The following GRM7 variants were observed in gnomAD, a reference collection of about 807,000 sequenced individuals.
The protein encoded by GRM7 is metabotropic glutamate receptor 7.
GRM7 carries 35 observed loss-of-function variants against 84.5 expected under a neutral mutation model. That is an observed-to-expected ratio of 0.41 (90% CI 0.32 to 0.55). The LOEUF (loss-of-function observed/expected upper bound fraction) is 0.55, where lower values mean the gene tolerates loss of function less well. Ranked by LOEUF, GRM7 falls within the 20% of genes least tolerant of loss-of-function variation. The pLI, the probability that GRM7 is intolerant of heterozygous loss-of-function variation, is 0.19. For missense variants in GRM7, 1,003 were observed against 1,194.6 expected (o/e 0.84, Z 2.36); for synonymous variants, 487 against 455.1 (o/e 1.07, Z -0.89).
chr3:7,257,045 T>C (rs7640378), intron 2 of GRM7, among the ~76,000 whole-genome samples: 131,831 of 152,210 alleles, frequency 0.87, 57,189 homozygotes, highest in East Asian at 0.98. Context: ...ATATGGGATT[T>C]TCCCATTTCC....
At chr3:7,299,433 C>G (rs13327304) in intron 3 of GRM7, among the ~76,000 whole-genome samples, 79,813 of 151,918 alleles carry the variant, frequency 0.53, 21,420 homozygotes, top group Non-Finnish European at 0.6. Flanking sequence ...GGTCCGGAGT[C>G]CTTATTTTTA....
Position 7,669,184 on chromosome 3 carries a change from T to TAATC in GRM7, c.2452-10863_2452-10860dup, listed in dbSNP as rs529185532. Among the ~76,000 whole-genome samples, 611 of 152,334 alleles carry TAATC rather than the reference T, an allele frequency of 4.0e-3. 6 individuals are homozygous for TAATC. The highest frequency in any genetic ancestry group is 6.6e-3 in the Non-Finnish European group (451 of 68,028). On this transcript the variant is annotated intron_variant, in intron 8 of 9. Transcript: ENST00000357716. Reference sequence around the variant, plus strand: ...ACGTATAAAAGAAATATGCAGCGAATAATCACAAATTGTGATTAGTGAAAC... The same window carrying TAATC: ...ACGTATAAAAGAAATATGCAGCGAATAATCAATCACAAATTGTGATTAGTGAAAC...
At chr3:7,093,030 C>G (rs1698724583) in intron 1 of GRM7, among the ~76,000 whole-genome samples, 1 of 152,014 alleles carries the variant, frequency 6.6e-6, no homozygotes, top group Admixed American at 6.6e-5. Flanking sequence ...CTGCAGTGAG[C>G]CATGATTGGG....
chr3:7,328,492 C>T (rs1040012563), intron 4 of GRM7, among the ~76,000 whole-genome samples: 1 of 152,180 alleles, frequency 6.6e-6, no homozygotes, highest in African/African-American at 2.4e-5. Flanking sequence ...CCCTTTGAAC[C>T]TTGACCCCTT....
chr3:7,110,832 A>G (rs967795519), intron 1 of GRM7, among the ~76,000 whole-genome samples: 1 of 152,064 alleles, frequency 6.6e-6, no homozygotes, highest in African/African-American at 2.4e-5. Context: ...CAAGATCTGC[A>G]GTGGAGGTGT....
chr3:7,355,248 G>C (rs76925332), intron 4 of GRM7, among the ~76,000 whole-genome samples: 1 of 152,094 alleles, frequency 6.6e-6, no homozygotes. Context: ...TGCCTAGTAC[G>C]ACTATTTGGA....
At chr3:7,624,943 A>C (rs1341660781) in intron 8 of GRM7, among the ~76,000 whole-genome samples, 4 of 152,200 alleles carry the variant, frequency 2.6e-5, no homozygotes, top group Non-Finnish European at 5.9e-5. Context: ...CTCCAAGAAT[A>C]AATGAGAGTT....
At chr3:7,656,769 T>C (rs1016556716) in intron 8 of GRM7, among the ~76,000 whole-genome samples, 3 of 152,110 alleles carry the variant, frequency 2.0e-5, no homozygotes, top group Non-Finnish European at 4.4e-5. Context: ...TTTTAAAATA[T>C]GGTCAAAGAG....
At chr3:7,137,206 T>C (rs1412280963) in intron 1 of GRM7, among the ~76,000 whole-genome samples, 1 of 152,154 alleles carries the variant, frequency 6.6e-6, no homozygotes, top group Non-Finnish European at 1.5e-5. Context: ...TTAACTATTC[T>C]TGAAATTGTT....
In GRM7 at chr3:7,405,798, G is replaced by A. The variant is rs547024989; in HGVS notation, c.1034-9225G>A. Among the ~76,000 whole-genome samples, 52 of 151,984 alleles carry A rather than the reference G, an allele frequency of 3.4e-4. 2 individuals carry two copies. The South Asian group carries it at 5.6e-3, about 16-fold the overall frequency. On this transcript the variant is annotated intron_variant, in intron 4 of 9. Coordinates refer to ENST00000357716, the MANE Select transcript of GRM7 (RefSeq NM_000844.4). ...ATAGATGTATAAGGAATTAAAAAAC[G>A]TGAATGAGCTAAAAATAAAATATCA...
intron 7 of GRM7, among the ~76,000 whole-genome samples, chr3:7,566,289 C>T (rs1255157799): frequency 2.0e-5 from 3 of 152,010 alleles, no homozygotes; most frequent in South Asian, 2.1e-4. Flanking sequence ...GAATAGGCAA[C>T]GGACAGGTTT....
chr3:6,898,117 G>A (rs1437268035), intron 1 of GRM7, among the ~76,000 whole-genome samples: 1 of 152,194 alleles, frequency 6.6e-6, no homozygotes, highest in Non-Finnish European at 1.5e-5. Flanking sequence ...GAGACATCCA[G>A]GGCACAGAGC....
intron 4 of GRM7, among the ~76,000 whole-genome samples, chr3:7,314,776 TTCTG>T (rs1296545329): frequency 1.3e-5 from 2 of 152,162 alleles, no homozygotes; most frequent in African/African-American, 4.8e-5. Flanking sequence ...AATGGACAGT[TTCTG>T]TCCATTTTTC....
chr3:7,087,546 C>T (rs914659028), intron 1 of GRM7, among the ~76,000 whole-genome samples: 18 of 152,090 alleles, frequency 1.2e-4, no homozygotes, highest in African/African-American at 4.3e-4. Flanking sequence ...AAAAGAAAGA[C>T]ATAGACTTTT....
intron 1 of GRM7, among the ~76,000 whole-genome samples, chr3:7,110,591 T>TCTCA (rs1553618428): frequency 3.5e-5 from 5 of 143,636 alleles, no homozygotes; most frequent in African/African-American, 1.3e-4. Flanking sequence ...CGATACTCTG[T>TCTCA]CACACACACA....
At chr3:7,099,599 C>T in intron 1 of GRM7, among the ~76,000 whole-genome samples, 1 of 136,546 alleles carries the variant, frequency 7.3e-6, no homozygotes, top group Non-Finnish European at 1.6e-5. Flanking sequence ...TATGTACACG[C>T]ATTATACATG....
chr3:7,305,922 T>G (rs1050274342), intron 3 of GRM7, among the ~76,000 whole-genome samples: 3 of 152,160 alleles, frequency 2.0e-5, no homozygotes, highest in African/African-American at 7.2e-5. Flanking sequence ...TAATAGCTAG[T>G]TCCCTTTTTT....
intron 2 of GRM7, among the ~76,000 whole-genome samples, chr3:7,202,521 G>A (rs1217034586): frequency 6.6e-6 from 1 of 152,036 alleles, no homozygotes; most frequent in Non-Finnish European, 1.5e-5. Flanking sequence ...AGTAGAGGTG[G>A]GGTTTCACCA....
At chr3:7,293,794 C>T (rs1699721639) in intron 2 of GRM7, among the ~76,000 whole-genome samples, 1 of 152,166 alleles carries the variant, frequency 6.6e-6, no homozygotes, top group Admixed American at 6.5e-5. Context: ...CACAGTGACA[C>T]ACTTGGTATG....
Sources: allele counts gnomAD v4.1 joint callset (sites outside exome capture counted in the v4.1 genomes callset), GRCh38; gene constraint gnomAD v4.1.1; transcripts MANE v1.5; gene names NCBI Gene and HGNC (gene_info 2026-07-23, HGNC 2026-07-21).